Variants in DPF3 observed in about 807,000 individuals in gnomAD.
The protein encoded by DPF3 is double PHD fingers 3, also known as zinc finger protein DPF3.
In DPF3, 18 loss-of-function variants were observed where a neutral mutation model predicts 56.8. The observed-to-expected ratio is 0.32, with a 90% confidence interval of 0.22 to 0.47. The LOEUF (loss-of-function observed/expected upper bound fraction) is 0.47. Ranked by LOEUF, DPF3 falls within the 20% of genes least tolerant of loss-of-function variation. The pLI is 1.00. For synonymous variants in DPF3, 188 were observed against 180.2 expected (o/e 1.04, Z -0.35); for missense variants, 403 against 488.8 (o/e 0.82, Z 1.65).
chr14:72,839,045 T>A (rs1034503117), intron 1 of DPF3, among the ~76,000 whole-genome samples: 3 of 149,506 alleles, frequency 2.0e-5, no homozygotes, highest in African/African-American at 7.4e-5. Flanking sequence ...CTCAGTCCCC[T>A]GAGTAGCTGG....
intron 6 of DPF3, among the ~76,000 whole-genome samples, chr14:72,695,998 C>T (rs1187997351): frequency 1.3e-5 from 2 of 152,146 alleles, no homozygotes; most frequent in East Asian, 3.8e-4. Context: ...CCCAAAGAGG[C>T]CCCTGAGGTG....
Position 72,838,905 on chromosome 14 carries a change from A to ATATATATATATATATTTTTTT in DPF3, c.32+55151_32+55152insAAAAAAATATATATATATATA. Among the ~76,000 whole-genome samples the ATATATATATATATATTTTTTT allele has an allele frequency of 3.1e-5, 2 of 64,480 alleles. 1 individual carries two copies. Among genetic ancestry groups the ATATATATATATATATTTTTTT allele is most frequent in the African/African-American group, 1.3e-4 (2 of 15,032 alleles). 42.3% of individuals were successfully genotyped at this position (64,480 alleles called of 152,430 possible). ...ATCTATCATATATATTATCATATAT[A>ATATATATATATATATTTTTTT]TTCTTTTTTTTTTTTTTTTTTTTTT... On this transcript the variant is annotated intron_variant, in intron 1 of 10. Transcript: ENST00000556509.
intron 8 of DPF3, among the ~76,000 whole-genome samples, chr14:72,656,947 T>G (rs1886077999): frequency 6.6e-6 from 1 of 152,220 alleles, no homozygotes; most frequent in African/African-American, 2.4e-5. Context: ...TCATTTCATG[T>G]GCAACTAGTA....
chr14:72,776,988 TTCTC>T (rs1267215478), intron 1 of DPF3, among the ~76,000 whole-genome samples: 1 of 152,152 alleles, frequency 6.6e-6, no homozygotes, highest in Non-Finnish European at 1.5e-5. Flanking sequence ...AAGTCGTCCT[TTCTC>T]TCCACTCCCC....
chr14:72,784,640 C>T (rs1037125715), intron 1 of DPF3, among the ~76,000 whole-genome samples: 6 of 152,108 alleles, frequency 3.9e-5, no homozygotes, highest in Admixed American at 1.3e-4. Flanking sequence ...AGGAGCAAAG[C>T]GGTCAGCCTA....
At chr14:72,879,716 G>A (rs1186133298) in intron 1 of DPF3, 1 of 1,428,328 alleles carries the variant, frequency 7.0e-7, no homozygotes, top group Non-Finnish European at 9.2e-7. Context: ...AGGGGAATGT[G>A]TGACAAGAGT....
chr14:72,861,747 G>GAAAC (rs746864008), intron 1 of DPF3, among the ~76,000 whole-genome samples: 7 of 15,626 alleles, frequency 4.5e-4, no homozygotes, highest in African/African-American at 7.2e-4. Flanking sequence ...GAGAAAGAAA[G>GAAAC]AAAGAAAGAA....
Position 72,876,651 on chromosome 14 carries a change from A to T in DPF3, c.32+17406T>A, listed in dbSNP as rs1411301243. Among the ~76,000 whole-genome samples the T allele has an allele frequency of 5.9e-5, 9 of 151,980 alleles. No individual in the cohort carries two copies. The East Asian group carries it at 1.7e-3, about 29-fold the overall frequency. On this transcript the variant is annotated intron_variant, in intron 1 of 10. Coordinates refer to ENST00000556509, the MANE Select transcript of DPF3 (RefSeq NM_001280542.3). ...GGGTGTCCCCAAAGGAATCGCTCAA[A>T]CGCCTCACGTCTTTGTTCACTTCCC...
chr14:72,722,782 C>T (rs1889234109), intron 5 of DPF3, among the ~76,000 whole-genome samples: 1 of 152,228 alleles, frequency 6.6e-6, no homozygotes. Context: ...ACAGAAAGCC[C>T]CTTCGGGCGT....
At chr14:72,714,544 T>A (rs1888821334) in intron 5 of DPF3, 43 bp from the exon 6 acceptor site, 1 of 1,607,876 alleles carries the variant, frequency 6.2e-7, no homozygotes, top group African/African-American at 1.3e-5. Flanking sequence ...ACCATGGTCA[T>A]CACTACAGCT....
At chr14:72,698,097 G>A (rs1021420164) in intron 6 of DPF3, among the ~76,000 whole-genome samples, 6 of 152,112 alleles carry the variant, frequency 3.9e-5, no homozygotes, top group Non-Finnish European at 8.8e-5. Context: ...CCTCCCCCAG[G>A]GAAGTCTTTC....
intron 8 of DPF3, among the ~76,000 whole-genome samples, chr14:72,652,556 A>C (rs917942215): frequency 6.6e-6 from 1 of 152,188 alleles, no homozygotes; most frequent in Non-Finnish European, 1.5e-5. Context: ...TAGCAGACAG[A>C]GACTTCCTTT....
rs1277650638 is a variant in DPF3, at chr14:72,662,937, T to C, written c.871+11303A>G. ...TAAGGGGTGACAGAAATGAAATGAA[T>C]TAAAAAAAAAAAAGAAGAAGAAAGA... is the stretch of plus-strand genomic sequence containing the variant. On this transcript the variant is annotated intron_variant, in intron 8 of 10. Transcript: ENST00000556509. The C allele has an allele frequency of 1.2e-3, 808 of 651,476 alleles. 4 individuals are homozygous for C. The highest frequency in any genetic ancestry group is 2.0e-3 in the Admixed American group (20 of 10,230). The allele number at this position is 651,476 out of a possible 1,614,324, so 40.4% of individuals were successfully genotyped here.
chr14:72,726,163 T>C (rs1889400009), intron 4 of DPF3, among the ~76,000 whole-genome samples: 1 of 152,190 alleles, frequency 6.6e-6, no homozygotes, highest in Non-Finnish European at 1.5e-5. Flanking sequence ...ATAGTATAAA[T>C]ATAAGGTCTG....
At chr14:72,779,139 T>A (rs903953857) in intron 1 of DPF3, among the ~76,000 whole-genome samples, 3 of 152,164 alleles carry the variant, frequency 2.0e-5, no homozygotes, top group African/African-American at 7.2e-5. Flanking sequence ...ATTTGACAAC[T>A]CACATTCCAC....
In DPF3 at chr14:72,675,225, A is replaced by T. The variant is rs751766899; in HGVS notation, c.743-857T>A. 6.2e-4 allele frequency among the ~76,000 whole-genome samples: 94 copies of T among 152,368 alleles called. 1 individual carries two copies. The highest frequency in any genetic ancestry group is 6.8e-3 in the Middle Eastern group (2 of 294). The stretch of plus-strand genomic sequence containing the variant: ...TTTGAAAACAAAGCCTGTGAGGAGA[A>T]TAGCACCTGTCCTTATGCACCAAAA... On this transcript the variant is annotated intron_variant, in intron 7 of 10. Transcript: ENST00000556509.
Position 72,854,254 on chromosome 14 carries a change from G to C in DPF3, c.32+39803C>G, listed in dbSNP as rs574680662. ...TGCTATAGTCCCAGCTACTCTTGAGGCTGAGGCAGGAGAATTGCTTGAACC... is the reference window on the plus strand; with the variant it reads ...TGCTATAGTCCCAGCTACTCTTGAGCCTGAGGCAGGAGAATTGCTTGAACC... On this transcript the variant is annotated intron_variant, in intron 1 of 10. Transcript: ENST00000556509. 3.3e-5 allele frequency among the ~76,000 whole-genome samples: 5 copies of C among 152,224 alleles called. No homozygotes were observed. In the East Asian group the frequency reaches 9.6e-4, roughly 29 times the overall value.
chr14:72,826,469 T>C (rs566294896), intron 1 of DPF3, among the ~76,000 whole-genome samples: 1 of 152,116 alleles, frequency 6.6e-6, no homozygotes, highest in East Asian at 1.9e-4. Flanking sequence ...ACAATAAGAG[T>C]TGCCCAGAGG....
intron 4 of DPF3, among the ~76,000 whole-genome samples, chr14:72,729,501 G>T (rs182652705): frequency 6.6e-6 from 1 of 152,076 alleles, no homozygotes; most frequent in African/African-American, 2.4e-5. Context: ...GGGCGGTAGC[G>T]GGTTCTGAGC....
Sources: gnomAD v4.1 joint callset for allele counts (sites outside exome capture counted in the v4.1 genomes callset) on GRCh38, gnomAD v4.1.1 for gene constraint, MANE v1.5 for transcripts, NCBI Gene and HGNC (gene_info 2026-07-23, HGNC 2026-07-21) for gene names.